Variants in FBN1 observed in about 807,000 individuals in gnomAD.
FBN1 encodes the protein fibrillin-1.
A neutral mutation model predicts 365.1 loss-of-function variants in FBN1; 29 were observed. The ratio of observed to expected loss-of-function variants is 0.08; its 90% confidence interval spans 0.06 to 0.11. The LOEUF is 0.11. Among genes scored for constraint, FBN1 ranks in the 10% least tolerant of loss-of-function variants. FBN1 has a pLI of 1.00. For synonymous variants in FBN1, 1,210 were observed against 1,270.5 expected (o/e 0.95, Z 1.01); for missense variants, 2,476 against 3,703.2 (o/e 0.67, Z 8.60).
intron 8 of FBN1, among the ~76,000 whole-genome samples, chr15:48,532,476 A>G (rs201684642): frequency 2.0e-5 from 3 of 148,930 alleles, no homozygotes; most frequent in East Asian, 2.0e-4. Context: ...GTGTGTGTAT[A>G]TGTGTGTGTG....
intron 45 of FBN1, 25 bp from the exon 46 acceptor site, chr15:48,448,918 G>A: frequency 6.3e-7 from 1 of 1,595,506 alleles, no homozygotes. Context: ...CATCTTAAGT[G>A]AGAACTTAGA....
intron 25 of FBN1, 116 bp downstream of exon 25, chr15:48,489,735 A>G (rs1251478475): frequency 1.2e-6 from 1 of 845,216 alleles, no homozygotes; most frequent in Non-Finnish European, 2.0e-6. Context: ...TAATTATATA[A>G]TTCAGAAAGC....
At chr15:48,427,312 C>T (rs752604644) in intron 58 of FBN1, among the ~76,000 whole-genome samples, 2 of 152,046 alleles carry the variant, frequency 1.3e-5, no homozygotes, top group African/African-American at 4.8e-5. Flanking sequence ...TTATAGTAAA[C>T]GGTTTAAAAA....
intron 15 of FBN1, 91 bp downstream of exon 15, chr15:48,508,491 G>A: frequency 1.9e-6 from 3 of 1,557,082 alleles, no homozygotes; most frequent in African/African-American, 1.4e-5. Flanking sequence ...TTTAAGTGGG[G>A]AGAATCAGTA....
chr15:48,611,127 A>C (rs1325688850), intron 3 of FBN1, among the ~76,000 whole-genome samples: 1 of 152,196 alleles, frequency 6.6e-6, no homozygotes, highest in African/African-American at 2.4e-5. Context: ...AGAAAACCAA[A>C]CAAACAAATT....
At chr15:48,545,206 T>C (rs888760906) in intron 6 of FBN1, among the ~76,000 whole-genome samples, 2 of 152,248 alleles carry the variant, frequency 1.3e-5, no homozygotes, top group East Asian at 3.8e-4. Flanking sequence ...AAGGGTCTTA[T>C]GATTAAATAT....
At chr15:48,509,789 A>C (rs1328862222) in intron 14 of FBN1, among the ~76,000 whole-genome samples, 3 of 152,074 alleles carry the variant, frequency 2.0e-5, no homozygotes, top group African/African-American at 7.2e-5. Flanking sequence ...GAAAGTATGA[A>C]ATTGTGCCAC....
At position 48,408,638 on chromosome 15, in the gene FBN1, C is replaced by G. The variant is rs1167372466; in HGVS notation, c.*2352G>C. 6.6e-6 allele frequency: 1 copy of G among 152,550 alleles called. No individual in the cohort carries two copies. Among genetic ancestry groups the G allele is most frequent in the African/African-American group, 2.4e-5 (1 of 41,416 alleles). 9.4% of individuals were successfully genotyped at this position (152,550 alleles called of 1,614,324 possible). On this transcript the variant is annotated 3_prime_UTR_variant, in exon 66 of 66. Transcript: ENST00000316623. ...AAAGGTCACAGACAATTGAAAGGTA[C>G]AGGTTTAAATCTCAGGATTAAAAAG... is the stretch of plus-strand genomic sequence containing the variant.
intron 24 of FBN1, among the ~76,000 whole-genome samples, chr15:48,491,055 A>C (rs1279957821): frequency 6.6e-6 from 1 of 152,206 alleles, no homozygotes; most frequent in Non-Finnish European, 1.5e-5. Context: ...GCCCATATTA[A>C]GATAAATTAT....
intron 9 of FBN1, among the ~76,000 whole-genome samples, chr15:48,521,318 T>TTTG (rs999750614): frequency 5.3e-5 from 8 of 152,270 alleles, no homozygotes; most frequent in East Asian, 1.9e-4. Flanking sequence ...GACATAAGTT[T>TTTG]TTGTTGTTGT....
At chr15:48,431,169 C>A (rs1471703230) in intron 55 of FBN1, among the ~76,000 whole-genome samples, 2 of 152,092 alleles carry the variant, frequency 1.3e-5, no homozygotes, top group Non-Finnish European at 2.9e-5. Context: ...CCGATCTCAG[C>A]TCACTTCAAC....
chr15:48,534,861 T>G (rs936828691), intron 7 of FBN1, among the ~76,000 whole-genome samples: 1 of 152,222 alleles, frequency 6.6e-6, no homozygotes, highest in Non-Finnish European at 1.5e-5. Context: ...AGACTTACCT[T>G]GCTGGCACAG....
At chr15:48,448,527 A>T (rs946560521) in intron 46 of FBN1, among the ~76,000 whole-genome samples, 1 of 152,180 alleles carries the variant, frequency 6.6e-6, no homozygotes, top group African/African-American at 2.4e-5. Context: ...TATCTTTTTC[A>T]ATTTACCCCT....
Position 48,644,859 on chromosome 15 carries a change from G to A in FBN1, c.-90C>T. 2.4e-6 allele frequency: 3 copies of A among 1,257,912 alleles called. No homozygotes were observed. Among genetic ancestry groups the A allele is most frequent in the African/African-American group, 1.6e-5 (1 of 63,048 alleles). 77.9% of individuals were successfully genotyped at this position (1,257,912 alleles called of 1,614,324 possible). A position where few individuals can be genotyped will look rare whatever the true frequency, so the allele number is the denominator to read the frequency against. Reference sequence around the variant, plus strand: ...GCTGCGCCCTGAAGCGCACCGCGCCGCCGGGGTCCCGCTATCCCGCCGCCC... The same window carrying A: ...GCTGCGCCCTGAAGCGCACCGCGCCACCGGGGTCCCGCTATCCCGCCGCCC... On this transcript the variant is annotated 5_prime_UTR_variant, in exon 2 of 66. Transcript: ENST00000316623.
rs1306203757 is a variant in FBN1, at chr15:48,411,097, A to G, written c.8509T>C (p.Tyr2837His). Residue 2837 changes from tyrosine (Y) to histidine (H), a missense_variant, in exon 66 of 66, where the codon TAT (tyrosine) becomes CAT (histidine). Transcript: ENST00000316623. The part of the protein sequence containing the change: ...YSLQISSTPL[Y>H]KKKELNQLED... ...AGTTGGTTAAGTTCTTTCTTTTTAT[A>G]AAGTGGAGTACTACTGATTTGTAAT... 1.4e-5 allele frequency: 23 copies of G among 1,613,948 alleles called. No individual in the cohort carries two copies. Among genetic ancestry groups the G allele is most frequent in the Non-Finnish European group, 1.7e-5 (20 of 1,180,000 alleles).
At chr15:48,418,716 A>C (rs2042918923) in intron 63 of FBN1, among the ~76,000 whole-genome samples, 1 of 152,180 alleles carries the variant, frequency 6.6e-6, no homozygotes, top group Admixed American at 6.5e-5. Flanking sequence ...TTATAAAAAG[A>C]GACAATTCGA....
intron 15 of FBN1, among the ~76,000 whole-genome samples, chr15:48,508,001 T>C (rs1159528650): frequency 4.1e-5 from 6 of 146,350 alleles, no homozygotes; most frequent in African/African-American, 1.4e-4. Context: ...CAAAATGGTT[T>C]ACCAAACTAA....
intron 54 of FBN1, 70 bp from the exon 55 acceptor site, chr15:48,433,058 A>C: frequency 3.2e-6 from 5 of 1,559,790 alleles, no homozygotes; most frequent in Non-Finnish European, 4.4e-6. Context: ...CAATTGAACT[A>C]AAACTCTAAA....
intron 15 of FBN1, among the ~76,000 whole-genome samples, chr15:48,508,128 C>G (rs2043726660): frequency 6.6e-6 from 1 of 151,958 alleles, no homozygotes; most frequent in Non-Finnish European, 1.5e-5. Flanking sequence ...TCTTAAGATG[C>G]CTAGAGGAAA....
Sources: allele counts gnomAD v4.1 joint callset (sites outside exome capture counted in the v4.1 genomes callset), GRCh38; gene constraint gnomAD v4.1.1; transcripts MANE v1.5; gene names NCBI Gene and HGNC (gene_info 2026-07-23, HGNC 2026-07-21).